NAV1: variants seen among roughly 807,000 people sequenced by gnomAD.
NAV1 encodes the protein pore membrane and/or filament interacting like protein 3.
NAV1 carries 18 observed loss-of-function variants against 175.2 expected under a neutral mutation model. The ratio of observed to expected loss-of-function variants is 0.10; its 90% CI spans 0.07 to 0.15. The LOEUF (loss-of-function observed/expected upper bound fraction) is 0.15. NAV1 is among the 10% of genes least tolerant of loss of function. NAV1 has a pLI of 1.00. For synonymous variants in NAV1, 897 were observed against 978.7 expected, an observed-to-expected ratio of 0.92 and a Z score of 1.56; for missense variants, 1,731 against 2,436.6, an observed-to-expected ratio of 0.71 and a Z score of 6.10.
chr1:201,779,395 C>T (rs1030183324), intron 3 of NAV1, among the ~76,000 whole-genome samples: 1 of 150,384 alleles, frequency 6.6e-6, no homozygotes, highest in African/African-American at 2.5e-5. Flanking sequence ...GGTTCAAGAC[C>T]AGCCTGGCCA....
Position 201,807,249 on chromosome 1 carries a change from T to C in NAV1, c.3649-704T>C, listed in dbSNP as rs1244245959. 1.3e-5 allele frequency among the ~76,000 whole-genome samples: 2 copies of C among 152,186 alleles called. No homozygotes were observed. Among genetic ancestry groups the C allele is most frequent in the Non-Finnish European group, 2.9e-5 (2 of 68,040 alleles). On this transcript the variant is annotated intron_variant, in intron 17 of 29. Transcript: ENST00000367296. This position sits in a 1 kb window ranked among gnomAD's most constrained non-coding sequence, Gnocchi z 5.4. ...GGGAAATAGCCCTTCTTCTAGGACATTGGAAATCATAGAAAATGCTGTCTG... is the reference window on the plus strand; with the variant it reads ...GGGAAATAGCCCTTCTTCTAGGACACTGGAAATCATAGAAAATGCTGTCTG...
rs770492353 is a variant in NAV1 at position 201,648,610 on chromosome 1, T to C, written c.-59T>C. On this transcript the variant is annotated 5_prime_UTR_variant, in exon 1 of 30. Coordinates refer to ENST00000367296, the Ensembl canonical transcript of NAV1. ...CTCCTCCTCCTGCGCTCCCGCCCCC[T>C]GCCCCCTCCCCCCGTGCCTGCAGAC... 688 of 897,554 alleles carry C rather than the reference T, an allele frequency of 7.7e-4. 1 individual carries two copies. Among genetic ancestry groups the C allele is most frequent in the Non-Finnish European group, 9.2e-4 (643 of 695,904 alleles). The allele number at this position is 897,554 out of a possible 1,614,324, so 55.6% of individuals were successfully genotyped here.
chr1:201,554,098 C>G (rs1665944574), intron 1 of NAV1, among the ~76,000 whole-genome samples: 1 of 152,200 alleles, frequency 6.6e-6, no homozygotes, highest in South Asian at 2.1e-4. Flanking sequence ...TGGACTGGAG[C>G]TGCCTTTATC....
intron 1 of NAV1, among the ~76,000 whole-genome samples, chr1:201,704,694 T>A (rs1671593111): frequency 6.6e-6 from 1 of 152,196 alleles, no homozygotes; most frequent in Admixed American, 6.5e-5. Flanking sequence ...CACCCTCCAC[T>A]GTGGGGGTTT....
intron 3 of NAV1, among the ~76,000 whole-genome samples, chr1:201,768,641 TAAAAA>T (rs71281169): frequency 8.8e-6 from 1 of 114,176 alleles, no homozygotes; most frequent in African/African-American, 3.3e-5. Flanking sequence ...TTGTCTCAAT[TAAAAA>T]AAAAAAAAAA....
intron 9 of NAV1, 25 bp downstream of exon 13, chr1:201,786,602 TG>T (rs763490490): frequency 1.2e-6 from 2 of 1,603,824 alleles, no homozygotes; most frequent in African/African-American, 2.7e-5. Flanking sequence ...TCACTCACTG[TG>T]GCATGGGGTG....
At chr1:201,811,491 T>G in intron 24 of NAV1, 112 bp from the exon 29 acceptor site, 1 of 1,330,660 alleles carries the variant, frequency 7.5e-7, no homozygotes, top group South Asian at 1.3e-5. Flanking sequence ...TGCAAGGAAC[T>G]AAAGGCCCCA....
chr1:201,706,493 G>A (rs919929671), intron 1 of NAV1, among the ~76,000 whole-genome samples: 9 of 152,190 alleles, frequency 5.9e-5, no homozygotes, highest in African/African-American at 2.2e-4. Context: ...TAGCTACCAT[G>A]CCATTCACAA....
At position 201,782,953 on chromosome 1, in the gene NAV1, C is replaced by A; in HGVS notation, c.2357+84C>A. On this transcript the variant is annotated intron_variant, in intron 6 of 29. Coordinates refer to ENST00000367296, the Ensembl canonical transcript of NAV1. This position sits in a 1 kb window ranked among gnomAD's most constrained non-coding sequence, Gnocchi z 5.4. ...TCTGCCCTCCTTGGACTAGATGAGG[C>A]ATGGCCTATCCACCGTTGTCTCTAG... 8.4e-7 allele frequency: 1 copy of A among 1,193,324 alleles called. No homozygotes were observed. Among genetic ancestry groups the A allele is most frequent in the Non-Finnish European group, 1.2e-6 (1 of 852,344 alleles). 73.9% of individuals were successfully genotyped at this position (1,193,324 alleles called of 1,614,324 possible). A position where few individuals can be genotyped will look rare whatever the true frequency, so the allele number is the denominator to read the frequency against.
At chr1:201,650,620 G>T (rs1307605789) in intron 1 of NAV1, among the ~76,000 whole-genome samples, 1 of 152,226 alleles carries the variant, frequency 6.6e-6, no homozygotes, top group Non-Finnish European at 1.5e-5. Context: ...AGAGCTCGCC[G>T]GGCGGCCCTG....
At chr1:201,658,340 G>GGGCTC (rs1390555806) in intron 1 of NAV1, among the ~76,000 whole-genome samples, 2 of 150,862 alleles carry the variant, frequency 1.3e-5, no homozygotes, top group African/African-American at 5.0e-5. Context: ...GGGCAACTGA[G>GGGCTC]GGCTCGGCCA....
In NAV1 at chr1:201,590,977, T is replaced by C. The variant is rs1250105776; in HGVS notation, c.-33+2328T>C. Among the ~76,000 whole-genome samples the C allele has an allele frequency of 2.0e-5, 3 of 152,198 alleles. No individual in the cohort carries two copies. The East Asian group carries it at 5.8e-4, about 29-fold the overall frequency. On this transcript the variant is annotated intron_variant, in intron 2 of 33. Transcript: ENST00000685211. ...TCTTCTCTCATTTTATCGTTCAGCA[T>C]ACTTAGCACCATCTAACCTTCTACC...
exon 30 of NAV1, chr1:201,820,154 A>G (rs892755047): frequency 2.0e-5 from 10 of 512,806 alleles, no homozygotes; most frequent in African/African-American, 1.9e-4. Flanking sequence ...TGTGCCCCCT[A>G]AACACATTTA....
At chr1:201,584,676 T>C (rs1666974015) in intron 1 of NAV1, among the ~76,000 whole-genome samples, 1 of 152,142 alleles carries the variant, frequency 6.6e-6, no homozygotes, top group African/African-American at 2.4e-5. Context: ...TTCTAGAATC[T>C]CCTCTGAATC....
intron 1 of NAV1, among the ~76,000 whole-genome samples, chr1:201,627,223 G>A (rs1274490282): frequency 1.3e-5 from 2 of 151,864 alleles, no homozygotes; most frequent in Non-Finnish European, 2.9e-5. Flanking sequence ...GCCTTCCAAA[G>A]CTCTGGGATT....
rs569694848 is a variant in NAV1 at position 201,746,860 on chromosome 1, C to T, written c.1226+28105C>T. ...CTACAAAAAAATACAAAAAATTAGCCGAGCCTGGTGGCACACGCCTGTAGT... is the reference window on the plus strand; with the variant it reads ...CTACAAAAAAATACAAAAAATTAGCTGAGCCTGGTGGCACACGCCTGTAGT... On this transcript the variant is annotated intron_variant, in intron 3 of 29. Coordinates refer to ENST00000367296, the Ensembl canonical transcript of NAV1. 2.0e-5 allele frequency among the ~76,000 whole-genome samples: 3 copies of T among 151,988 alleles called. No individual in the cohort carries two copies. The South Asian group carries it at 6.2e-4, about 32-fold the overall frequency.
chr1:201,543,440 T>C (rs1196534370), intron 1 of NAV1, among the ~76,000 whole-genome samples: 6 of 152,188 alleles, frequency 3.9e-5, no homozygotes, highest in Non-Finnish European at 8.8e-5. Context: ...TGTGGTGCCT[T>C]ACACTGATTG....
intron 1 of NAV1, among the ~76,000 whole-genome samples, chr1:201,540,251 G>A (rs1392719919): frequency 6.6e-5 from 10 of 152,188 alleles, no homozygotes; most frequent in Admixed American, 6.5e-4. Flanking sequence ...GAGTCAATGG[G>A]ACTTTGTTAG....
chr1:201,774,412 A>G (rs886943697), intron 3 of NAV1, among the ~76,000 whole-genome samples: 2 of 152,142 alleles, frequency 1.3e-5, no homozygotes, highest in Non-Finnish European at 2.9e-5. Flanking sequence ...AAGACATTCT[A>G]TTCTTACACC....
Sources: allele counts gnomAD v4.1 joint callset (sites outside exome capture counted in the v4.1 genomes callset), GRCh38; gene constraint gnomAD v4.1.1; non-coding constraint Gnocchi (gnomAD v3.1); transcripts MANE v1.5; gene names NCBI Gene and HGNC (gene_info 2026-07-23, HGNC 2026-07-21).